Variants in CCDC102B observed in about 807,000 individuals in gnomAD.
CCDC102B encodes coiled-coil domain containing 102B.
Under a neutral mutation model 57.4 loss-of-function variants are expected in CCDC102B, and 75 were observed. The observed-to-expected ratio is 1.31, with a 90% CI of 1.08 to 1.58. CCDC102B has a LOEUF of 1.58. Among genes scored for constraint, CCDC102B ranks in the 40% most tolerant of loss-of-function variants. The probability of loss-of-function intolerance (pLI) is 0.00; values close to 1 mark genes in which losing one functional copy is unlikely to be tolerated. For synonymous variants in CCDC102B, 206 were observed against 201.9 expected, an observed-to-expected ratio of 1.02 and a Z score of -0.17; for missense variants, 636 against 582.6, an observed-to-expected ratio of 1.09 and a Z score of -0.94.
chr18:68,903,116 A>G (rs1227869518), intron 6 of CCDC102B, among the ~76,000 whole-genome samples: 2 of 152,214 alleles, frequency 1.3e-5, no homozygotes, highest in African/African-American at 4.8e-5. Context: ...TCTAGAAGTC[A>G]GGATGAATGG....
At chr18:69,057,260 C>T (rs1245792558), downstream of CCDC102B, among the ~76,000 whole-genome samples, 3 of 152,184 alleles carry the variant, frequency 2.0e-5, no homozygotes, top group East Asian at 5.8e-4. Flanking sequence ...AAACAAATTA[C>T]CTTGAAACTT....
intron 1 of CCDC102B, among the ~76,000 whole-genome samples, chr18:68,823,878 C>T (rs1219127131): frequency 2.0e-5 from 3 of 151,852 alleles, no homozygotes; most frequent in Non-Finnish European, 2.9e-5. Context: ...ATGTTCATGT[C>T]CTTCGCCCAC....
chr18:68,764,904 G>A (rs565668042), intron 2 of CCDC102B, among the ~76,000 whole-genome samples: 137 of 151,632 alleles, frequency 9.0e-4, no homozygotes, highest in African/African-American at 3.1e-3. Flanking sequence ...AAAAATAGCT[G>A]GGCGTGGTGG....
At chr18:69,002,576 A>G (rs2051232534) in intron 6 of CCDC102B, among the ~76,000 whole-genome samples, 1 of 152,188 alleles carries the variant, frequency 6.6e-6, no homozygotes, top group African/African-American at 2.4e-5. Context: ...CCTTGGATTT[A>G]TCACGTAACA....
At chr18:68,829,412 A>G (rs2037052645) in intron 1 of CCDC102B, among the ~76,000 whole-genome samples, 1 of 152,038 alleles carries the variant, frequency 6.6e-6, no homozygotes, top group Non-Finnish European at 1.5e-5. Context: ...AATACAGTTT[A>G]GCCAAATTAG....
At chr18:68,717,878 A>C (rs1265616004) in intron 2 of CCDC102B, 1 of 152,242 alleles carries the variant, frequency 6.6e-6, no homozygotes, top group Non-Finnish European at 1.5e-5. Context: ...CGGTATGATA[A>C]CATTAAGAGG....
chr18:69,012,577 A>G (rs2051547703), intron 7 of CCDC102B, among the ~76,000 whole-genome samples: 2 of 151,998 alleles, frequency 1.3e-5, no homozygotes, highest in Non-Finnish European at 2.9e-5. Flanking sequence ...GGAGCTGTGC[A>G]TGCCAGCGCC....
intron 6 of CCDC102B, among the ~76,000 whole-genome samples, chr18:68,994,857 G>A (rs905324319): frequency 2.6e-5 from 4 of 152,212 alleles, no homozygotes; most frequent in Non-Finnish European, 4.4e-5. Context: ...ACAGTAGAGT[G>A]CTGCTATAAA....
chr18:69,041,231 C>G (rs2052426538), intron 7 of CCDC102B, among the ~76,000 whole-genome samples: 1 of 152,076 alleles, frequency 6.6e-6, no homozygotes, highest in African/African-American at 2.4e-5. Flanking sequence ...ACAGCAGATA[C>G]TCAATTTGCA....
At chr18:68,716,465 T>C in intron 1 of CCDC102B, 1 of 152,244 alleles carries the variant, frequency 6.6e-6, no homozygotes, top group East Asian at 1.9e-4. Context: ...CATGTGGCTA[T>C]TGAGCTTTTG....
intron 6 of CCDC102B, among the ~76,000 whole-genome samples, chr18:68,915,878 T>C (rs1219441107): frequency 6.6e-6 from 1 of 152,234 alleles, no homozygotes; most frequent in Non-Finnish European, 1.5e-5. Flanking sequence ...TAAAGTGTTT[T>C]TTTCTATGAC....
Position 69,047,545 on chromosome 18 carries a change from A to G in CCDC102B, c.1435-6485A>G, listed in dbSNP as rs74410717. Among the ~76,000 whole-genome samples, 1,451 of 152,232 alleles carry G rather than the reference A, an allele frequency of 9.5e-3. 20 individuals are homozygous for G. Among genetic ancestry groups the G allele is most frequent in the East Asian group, 0.061 (317 of 5,172 alleles). ...AGTATGAGAAGCCCTGACTAGAGCT[A>G]TCAGGCAAGAGAGAAATAAAACGCA... On this transcript the variant is annotated intron_variant, in intron 7 of 7. Coordinates refer to ENST00000360242, the MANE Select transcript of CCDC102B (RefSeq NM_024781.3).
intron 5 of CCDC102B, among the ~76,000 whole-genome samples, chr18:68,880,139 C>T (rs906234079): frequency 7.2e-5 from 11 of 152,216 alleles, no homozygotes; most frequent in Admixed American, 2.6e-4. Context: ...GAGCCCTGCC[C>T]CGCCCAAGGC....
intron 4 of CCDC102B, among the ~76,000 whole-genome samples, chr18:68,869,596 A>G (rs1025737612): frequency 2.0e-5 from 3 of 152,232 alleles, no homozygotes; most frequent in African/African-American, 7.2e-5. Context: ...AATCTGTTTA[A>G]GTTCGTTATA....
At chr18:68,965,464 T>C (rs986549994) in intron 6 of CCDC102B, among the ~76,000 whole-genome samples, 2 of 151,954 alleles carry the variant, frequency 1.3e-5, no homozygotes, top group African/African-American at 4.8e-5. Context: ...TTCTGTGTTT[T>C]TATTTGTTTC....
intron 2 of CCDC102B, among the ~76,000 whole-genome samples, chr18:68,759,020 A>C (rs1044390962): frequency 1.7e-4 from 26 of 151,862 alleles, no homozygotes; most frequent in Middle Eastern, 3.2e-3. Context: ...AAAAAAAACA[A>C]AAACAAACAA....
At chr18:68,926,655 A>G (rs2041485123) in intron 6 of CCDC102B, among the ~76,000 whole-genome samples, 1 of 151,914 alleles carries the variant, frequency 6.6e-6, no homozygotes, top group Admixed American at 6.6e-5. Flanking sequence ...CAAAGTCACT[A>G]TTGCCATTAT....
intron 7 of CCDC102B, among the ~76,000 whole-genome samples, chr18:69,032,259 A>G (rs1161803332): frequency 6.6e-6 from 1 of 152,196 alleles, no homozygotes; most frequent in African/African-American, 2.4e-5. Flanking sequence ...ATAGTGAATG[A>G]TGGATTATTA....
chr18:68,828,904 C>T (rs1434001559), intron 1 of CCDC102B, among the ~76,000 whole-genome samples: 9 of 151,660 alleles, frequency 5.9e-5, no homozygotes, highest in Middle Eastern at 3.2e-3. Context: ...ATCATCAAGA[C>T]GTGTATGACA....
Sources: gnomAD v4.1 joint callset for allele counts (sites outside exome capture counted in the v4.1 genomes callset) on GRCh38, gnomAD v4.1.1 for gene constraint, MANE v1.5 for transcripts, NCBI Gene and HGNC (gene_info 2026-07-23, HGNC 2026-07-21) for gene names.